Variants in PRKD1 observed in about 807,000 individuals in gnomAD.
PRKD1 encodes the protein serine/threonine-protein kinase D1.
PRKD1 carries 63 observed loss-of-function variants against 95.9 expected under a neutral mutation model. The observed-to-expected ratio is 0.66, with a 90% CI of 0.54 to 0.81. PRKD1 has a LOEUF of 0.81. Ranked by LOEUF, PRKD1 falls within the 30% of genes least tolerant of loss-of-function variation. PRKD1 has a pLI of 0.00. For missense variants in PRKD1, 1,048 were observed against 1,165.3 expected, an observed-to-expected ratio of 0.90 and a Z score of 1.47; for synonymous variants, 425 against 423.1, an observed-to-expected ratio of 1.00 and a Z score of -0.05.
intron 1 of PRKD1, among the ~76,000 whole-genome samples, chr14:29,921,150 C>A (rs1857365210): frequency 6.6e-6 from 1 of 152,074 alleles, no homozygotes; most frequent in African/African-American, 2.4e-5. Flanking sequence ...ATCTTTCTGT[C>A]AAAAATAATA....
At chr14:29,695,205 G>A (rs759162858) in intron 2 of PRKD1, among the ~76,000 whole-genome samples, 8 of 144,182 alleles carry the variant, frequency 5.5e-5, no homozygotes, top group Admixed American at 1.4e-4. Flanking sequence ...CTGCACTCCA[G>A]CCTGGGCAAC....
intron 1 of PRKD1, among the ~76,000 whole-genome samples, chr14:29,869,683 T>C (rs1006468340): frequency 4.6e-5 from 7 of 152,154 alleles, no homozygotes; most frequent in African/African-American, 1.7e-4. Flanking sequence ...CTTTACTGTG[T>C]GCCAAGCACT....
At chr14:29,602,931 C>T (rs1893575942) in intron 13 of PRKD1, among the ~76,000 whole-genome samples, 1 of 152,136 alleles carries the variant, frequency 6.6e-6, no homozygotes, top group African/African-American at 2.4e-5. Context: ...TATTTTGTGC[C>T]ATGTTCACCG....
At chr14:29,764,277 GA>G (rs996418043) in intron 1 of PRKD1, among the ~76,000 whole-genome samples, 2 of 148,860 alleles carry the variant, frequency 1.3e-5, no homozygotes, top group East Asian at 2.0e-4. Context: ...TTCTCCACTG[GA>G]AAAAAAAATC....
chr14:29,669,115 G>A (rs1022844677), intron 2 of PRKD1, among the ~76,000 whole-genome samples: 1 of 152,018 alleles, frequency 6.6e-6, no homozygotes, highest in African/African-American at 2.4e-5. Context: ...ACAACCCCTT[G>A]TAACATGCAT....
chr14:29,682,505 C>T (rs181564268), intron 2 of PRKD1, among the ~76,000 whole-genome samples: 255 of 152,188 alleles, frequency 1.7e-3, no homozygotes, highest in Admixed American at 4.2e-3. Context: ...ACTAACCTTC[C>T]CCGAATCCCA....
chr14:29,644,399 G>A (rs1350918554), intron 4 of PRKD1, among the ~76,000 whole-genome samples: 1 of 152,176 alleles, frequency 6.6e-6, no homozygotes, highest in African/African-American at 2.4e-5. Flanking sequence ...AGGATGCAAT[G>A]AGGAATGGTT....
chr14:29,840,083 T>C (rs1255995358), intron 1 of PRKD1, among the ~76,000 whole-genome samples: 1 of 152,166 alleles, frequency 6.6e-6, no homozygotes, highest in Non-Finnish European at 1.5e-5. Context: ...GGATTTTCTT[T>C]TCTATCACAT....
intron 13 of PRKD1, among the ~76,000 whole-genome samples, chr14:29,604,849 C>G (rs1893648226): frequency 6.6e-6 from 1 of 152,150 alleles, no homozygotes; most frequent in African/African-American, 2.4e-5. Context: ...ATTCCACAAT[C>G]TTATATTCAA....
chr14:29,772,674 A>G (rs566616557), intron 1 of PRKD1, among the ~76,000 whole-genome samples: 1 of 152,066 alleles, frequency 6.6e-6, no homozygotes, highest in South Asian at 2.1e-4. Flanking sequence ...CTAACATAAA[A>G]TGTTTCATGA....
chr14:29,580,246 C>T (rs1197048172), intron 16 of PRKD1, among the ~76,000 whole-genome samples: 1 of 152,092 alleles, frequency 6.6e-6, no homozygotes, highest in Non-Finnish European at 1.5e-5. Flanking sequence ...GAAGTACTAT[C>T]AGAGGGGAAA....
At chr14:29,687,007 G>A (rs548715733) in intron 2 of PRKD1, among the ~76,000 whole-genome samples, 1 of 272 alleles carries the variant, frequency 3.7e-3, no homozygotes, top group East Asian at 0.083. Context: ...ATCCTGCCCA[G>A]GTTGCTGTGG....
chr14:29,631,755 CA>C (rs1005401963), intron 9 of PRKD1, among the ~76,000 whole-genome samples: 2 of 151,994 alleles, frequency 1.3e-5, no homozygotes, highest in Admixed American at 1.3e-4. Context: ...CTCGGTGTCC[CA>C]AAGTCCTGGG....
At chr14:29,797,705 C>G (rs937421291) in intron 1 of PRKD1, among the ~76,000 whole-genome samples, 4 of 152,214 alleles carry the variant, frequency 2.6e-5, no homozygotes, top group African/African-American at 9.7e-5. Context: ...GACACACACA[C>G]CACCACAGGA....
At chr14:29,613,691 A>G (rs1182990632) in intron 13 of PRKD1, among the ~76,000 whole-genome samples, 1 of 152,116 alleles carries the variant, frequency 6.6e-6, no homozygotes, top group Non-Finnish European at 1.5e-5. Context: ...CTTTTTGAAA[A>G]CTTTTCAATA....
At chr14:29,797,323 A>G (rs1001795712) in intron 1 of PRKD1, among the ~76,000 whole-genome samples, 1 of 152,188 alleles carries the variant, frequency 6.6e-6, no homozygotes, top group Non-Finnish European at 1.5e-5. Flanking sequence ...TCTCTTTGGT[A>G]ATAATTGATC....
intron 1 of PRKD1, among the ~76,000 whole-genome samples, chr14:29,756,842 A>C (rs1165461627): frequency 1.3e-5 from 2 of 152,226 alleles, no homozygotes; most frequent in Non-Finnish European, 2.9e-5. Context: ...CTCATATGAA[A>C]TTGCTCTTTC....
chr14:29,878,306 T>G (rs1242852939), intron 1 of PRKD1, among the ~76,000 whole-genome samples: 1 of 144,922 alleles, frequency 6.9e-6, no homozygotes, highest in African/African-American at 2.5e-5. Flanking sequence ...AAAATAAAAG[T>G]TTTTTTTTTA....
chr14:29,817,752 T>C (rs1890749447), intron 1 of PRKD1, among the ~76,000 whole-genome samples: 1 of 152,164 alleles, frequency 6.6e-6, no homozygotes, highest in Non-Finnish European at 1.5e-5. Flanking sequence ...TGCCTTATTC[T>C]GCCTCTGCCA....
Sources: gnomAD v4.1 joint callset for allele counts (sites outside exome capture counted in the v4.1 genomes callset) on GRCh38, gnomAD v4.1.1 for gene constraint, MANE v1.5 for transcripts, NCBI Gene and HGNC (gene_info 2026-07-23, HGNC 2026-07-21) for gene names.